The following TTBK2 variants were observed in gnomAD, a reference collection of about 807,000 sequenced individuals.
TTBK2 encodes the protein tau tubulin kinase 2, also known as tau-tubulin kinase 2.
Under a neutral mutation model 110.8 loss-of-function variants are expected in TTBK2, and 28 were observed. The observed-to-expected ratio is 0.25, with a 90% CI of 0.19 to 0.35. The LOEUF is 0.35. Ranked by LOEUF, TTBK2 falls within the 10% of genes least tolerant of loss-of-function variation. TTBK2 has a pLI of 1.00. For synonymous variants in TTBK2, 532 were observed against 527.3 expected, an observed-to-expected ratio of 1.01 and a Z score of -0.12; for missense variants, 1,369 against 1,500.3, an observed-to-expected ratio of 0.91 and a Z score of 1.45.
chr15:42,854,134 C>T (rs1022276276), intron 3 of TTBK2, among the ~76,000 whole-genome samples: 2 of 152,038 alleles, frequency 1.3e-5, no homozygotes, highest in Non-Finnish European at 1.5e-5. Flanking sequence ...CAGGGTCTCT[C>T]GCTATGCTGC....
Position 42,861,160 on chromosome 15 carries a change from GA to G in TTBK2, c.217+11450del, listed in dbSNP as rs375644580. ...ACTTAGCCCCACAATAATAGTGGGAGACTTCAACAGCCCATTGACAGCATTA... is the reference window on the plus strand; with the variant it reads ...ACTTAGCCCCACAATAATAGTGGGAGCTTCAACAGCCCATTGACAGCATTA... On this transcript the variant is annotated intron_variant, in intron 3 of 14. Transcript: ENST00000267890. Among the ~76,000 whole-genome samples the G allele has an allele frequency of 3.8e-3, 583 of 152,280 alleles. 7 individuals are homozygous for G. The highest frequency in any genetic ancestry group is 6.5e-3 in the Non-Finnish European group (443 of 68,024).
At chr15:42,765,582 G>C (rs1365293413) in intron 13 of TTBK2, among the ~76,000 whole-genome samples, 2 of 152,176 alleles carry the variant, frequency 1.3e-5, no homozygotes, top group African/African-American at 4.8e-5. Context: ...AGAGTAAAAA[G>C]AAATGAACAA....
intron 3 of TTBK2, among the ~76,000 whole-genome samples, chr15:42,855,733 G>A (rs1035430859): frequency 3.3e-5 from 5 of 152,178 alleles, no homozygotes; most frequent in African/African-American, 1.2e-4. Flanking sequence ...CGCCCAGGCT[G>A]GAGTGCAGTG....
At chr15:42,860,680 A>G (rs1295812759) in intron 3 of TTBK2, among the ~76,000 whole-genome samples, 2 of 128,294 alleles carry the variant, frequency 1.6e-5, no homozygotes, top group African/African-American at 6.3e-5. Flanking sequence ...ATTTAGTGCT[A>G]CACTAAATGC....
intron 1 of TTBK2, among the ~76,000 whole-genome samples, chr15:42,911,379 A>G (rs2030746502): frequency 6.6e-6 from 1 of 152,196 alleles, no homozygotes; most frequent in Admixed American, 6.5e-5. Context: ...AGGCAGGAAG[A>G]TTGCTTGAGC....
chr15:42,801,184 T>A (rs532261606), intron 9 of TTBK2: 1 of 1,341,582 alleles, frequency 7.5e-7, no homozygotes, highest in African/African-American at 1.4e-5. Context: ...TTCATATGGA[T>A]ACTCATGTTC....
intron 13 of TTBK2, among the ~76,000 whole-genome samples, chr15:42,759,328 C>A (rs1309962988): frequency 6.6e-6 from 1 of 152,250 alleles, no homozygotes; most frequent in East Asian, 1.9e-4. Context: ...TCAGGGACAG[C>A]TGGCTCAGGC....
At chr15:42,815,836 A>G (rs902172830) in intron 7 of TTBK2, among the ~76,000 whole-genome samples, 6 of 136,940 alleles carry the variant, frequency 4.4e-5, no homozygotes, top group Middle Eastern at 3.7e-3. Context: ...CAGATGTTCA[A>G]TCTCTTCCAA....
At chr15:42,918,914 CT>C in intron 1 of TTBK2, among the ~76,000 whole-genome samples, 1 of 152,292 alleles carries the variant, frequency 6.6e-6, no homozygotes, top group East Asian at 1.9e-4. Flanking sequence ...TCTCAGCCCC[CT>C]AACCAATGTA....
At chr15:42,871,438 G>C in intron 3 of TTBK2, 5 of 985,324 alleles carry the variant, frequency 5.1e-6, no homozygotes, top group Non-Finnish European at 6.0e-6. Flanking sequence ...GCTGTATCCT[G>C]CCTCACCTGG....
At chr15:42,801,438 C>A in intron 9 of TTBK2, 2 of 885,452 alleles carry the variant, frequency 2.3e-6, no homozygotes. Flanking sequence ...GCCCTCTGGC[C>A]TTTGAGACCC....
intron 13 of TTBK2, among the ~76,000 whole-genome samples, chr15:42,763,082 TTTTATATATATATATATATACG>T (rs1567008332): frequency 9.0e-6 from 1 of 110,498 alleles, no homozygotes; most frequent in African/African-American, 5.1e-5. Context: ...CAGTTAACAA[TTTTATATATATATATATATACG>T]TATATATATA....
At chr15:42,900,586 G>A (rs2029930694) in intron 1 of TTBK2, among the ~76,000 whole-genome samples, 1 of 151,996 alleles carries the variant, frequency 6.6e-6, no homozygotes, top group Admixed American at 6.6e-5. Flanking sequence ...GCTGGGCATG[G>A]TGGTGCGTGC....
At chr15:42,746,328 C>T (rs2061795029) in intron 14 of TTBK2, 71 bp from the exon 15 acceptor site, 11 of 1,186,648 alleles carry the variant, frequency 9.3e-6, no homozygotes, top group African/African-American at 1.5e-5. Flanking sequence ...CACAATGTCC[C>T]AAAATCATAA....
chr15:42,749,928 A>C (rs1025424162), intron 14 of TTBK2, among the ~76,000 whole-genome samples: 5 of 152,128 alleles, frequency 3.3e-5, no homozygotes, highest in Non-Finnish European at 5.9e-5. Flanking sequence ...AAAAAAACAA[A>C]CAAACAAATT....
At chr15:42,762,094 T>C (rs1056875536) in intron 13 of TTBK2, among the ~76,000 whole-genome samples, 18 of 152,224 alleles carry the variant, frequency 1.2e-4, no homozygotes, top group African/African-American at 4.3e-4. Flanking sequence ...ACCATGATTG[T>C]GAGGCCTCCC....
intron 2 of TTBK2, among the ~76,000 whole-genome samples, chr15:42,874,103 C>T (rs56867668): frequency 0.014 from 2,112 of 152,210 alleles, 42 homozygotes; most frequent in African/African-American, 0.046. Context: ...CATGAAATAA[C>T]TTGTTTTCAA....
chr15:42,752,870 C>A lies in TTBK2; in HGVS notation c.2376G>T (p.Lys792Asn). ...ILLESDNEDEKLSRGQHCIEI... is the reference protein window; with the variant it reads ...ILLESDNEDENLSRGQHCIEI... ...CAATACAATGCTGCCCTCTACTTAACTTCTCATCTTCATTATCTGACTCTA... is the reference window on the plus strand; with the variant it reads ...CAATACAATGCTGCCCTCTACTTAAATTCTCATCTTCATTATCTGACTCTA... The change falls in exon 14 of 15, where the codon AAG (lysine) becomes AAT (asparagine). Residue 792 changes from lysine to asparagine, a missense_variant. Physicochemically the swap from Lys to Asn is moderately conservative, Grantham distance 94. Transcript: ENST00000267890. 6.2e-7 allele frequency: 1 copy of A among 1,614,180 alleles called. No individual in the cohort carries two copies. The highest frequency in any genetic ancestry group is 1.3e-5 in the African/African-American group (1 of 75,052).
intron 7 of TTBK2, among the ~76,000 whole-genome samples, chr15:42,815,822 T>G (rs573814659): frequency 5.7e-4 from 81 of 142,686 alleles, no homozygotes; most frequent in African/African-American, 2.0e-3. Flanking sequence ...CTTGAAATAG[T>G]ACACAGATGT....
Sources: gnomAD v4.1 joint callset for allele counts (sites outside exome capture counted in the v4.1 genomes callset) on GRCh38, gnomAD v4.1.1 for gene constraint, MANE v1.5 for transcripts, NCBI Gene and HGNC (gene_info 2026-07-23, HGNC 2026-07-21) for gene names.